Variants in PRPF18 observed in about 807,000 individuals in gnomAD.
PRPF18 encodes the protein pre-mRNA processing factor 18, also known as pre-mRNA-splicing factor 18.
A neutral mutation model predicts 46.5 loss-of-function variants in PRPF18; 38 were observed. The observed-to-expected ratio is 0.82, with a 90% CI of 0.63 to 1.07. The LOEUF is 1.07. Among genes scored for constraint, PRPF18 ranks in the 50% least tolerant of loss-of-function variants. PRPF18 has a pLI of 0.00. For synonymous variants in PRPF18, 152 were observed against 146.7 expected (o/e 1.04, Z -0.26); for missense variants, 263 against 410.0 (o/e 0.64, Z 3.10).
chr10:13,592,313 T>G (rs2079976442), intron 1 of PRPF18: 2 of 387,850 alleles, frequency 5.2e-6, no homozygotes, highest in African/African-American at 4.3e-5. Context: ...CTCAACTTTT[T>G]CACCCACCAT....
chr10:13,587,250 G>A (rs2079887283), intron 1 of PRPF18, 98 bp downstream of exon 1: 2 of 1,327,154 alleles, frequency 1.5e-6, no homozygotes, highest in African/African-American at 1.4e-5. Context: ...GATTCGGGGC[G>A]GGGACGGGGC....
At position 13,611,637 on chromosome 10, in the gene PRPF18, A is replaced by G; in HGVS notation, c.533A>G (p.Lys178Arg). ...ELEALGESLG[K>R]GDDHKDMDII... The stretch of plus-strand genomic sequence containing the variant: ...CAGGCGCTTGGAGAGTCCTTAGGGA[A>G]AGGCGATGATCATAAAGACATGGAC... The change falls in exon 6 of 10, where the codon AAA becomes AGA. Residue 178 changes from lysine (K) to arginine (R), a missense_variant. Coordinates refer to ENST00000378572, the MANE Select transcript of PRPF18 (RefSeq NM_003675.4). 6.2e-7 allele frequency: 1 copy of G among 1,614,002 alleles called. No homozygotes were observed.
chr10:13,604,350 T>G (rs2080155629), intron 3 of PRPF18, among the ~76,000 whole-genome samples: 1 of 152,202 alleles, frequency 6.6e-6, no homozygotes, highest in African/African-American at 2.4e-5. Flanking sequence ...TTCTTCCTTT[T>G]TAAAATGACA....
chr10:13,598,710 C>T (rs754307702), intron 2 of PRPF18, among the ~76,000 whole-genome samples: 69 of 151,946 alleles, frequency 4.5e-4, no homozygotes, highest in Non-Finnish European at 7.8e-4. Context: ...TGTTAATAAC[C>T]ATTGAGTAGA....
rs535720673 is a variant in PRPF18 at position 13,611,758 on chromosome 10, G to T, written c.579+75G>T. The T allele has an allele frequency of 1.3e-4, 173 of 1,348,088 alleles. 1 individual carries two copies. In the South Asian group the frequency reaches 2.0e-3, roughly 16 times the overall value. The allele number at this position is 1,348,088 out of a possible 1,614,324, so 83.5% of individuals were successfully genotyped here. Reference sequence around the variant, plus strand: ...ATTCTTATATTTTTGGATTACCAAGGGTTAAAGGCTGGAACGGGAAAGCCT... The same window carrying T: ...ATTCTTATATTTTTGGATTACCAAGTGTTAAAGGCTGGAACGGGAAAGCCT... On this transcript the variant is annotated intron_variant, in intron 6 of 9. Coordinates refer to ENST00000378572, the MANE Select transcript of PRPF18 (RefSeq NM_003675.4).
intron 9 of PRPF18, among the ~76,000 whole-genome samples, chr10:13,620,417 C>T (rs7091163): frequency 0.017 from 2,641 of 152,194 alleles, 62 homozygotes; most frequent in South Asian, 0.05. Flanking sequence ...TTTTAAATTG[C>T]GGTATAAAAT....
At chr10:13,587,825 TTTG>T (rs1172112601) in intron 1 of PRPF18, among the ~76,000 whole-genome samples, 2 of 152,182 alleles carry the variant, frequency 1.3e-5, no homozygotes, top group Admixed American at 6.5e-5. Flanking sequence ...ATTCCTGTGT[TTTG>T]TTACTTTTTT....
chr10:13,616,619 G>C, intron 9 of PRPF18, 66 bp downstream of exon 9: 1 of 1,572,998 alleles, frequency 6.4e-7, no homozygotes, highest in Non-Finnish European at 8.7e-7. Context: ...AAAACTCTAA[G>C]TCTGGAAAGC....
chr10:13,619,369 A>G (rs1375045077), intron 9 of PRPF18, among the ~76,000 whole-genome samples: 1 of 152,274 alleles, frequency 6.6e-6, no homozygotes, highest in East Asian at 1.9e-4. Context: ...TAGACTCACA[A>G]GAAGTTGCAA....
chr10:13,608,050 A>C (rs2133580397), intron 4 of PRPF18, among the ~76,000 whole-genome samples: 1 of 152,362 alleles, frequency 6.6e-6, no homozygotes, highest in South Asian at 2.1e-4. Flanking sequence ...TATGTAACAG[A>C]CTACTCCAAA....
chr10:13,605,853 ATTATTGC>A (rs1163806918), intron 4 of PRPF18, 109 bp downstream of exon 4: 1 of 1,355,388 alleles, frequency 7.4e-7, no homozygotes, highest in African/African-American at 1.5e-5. Context: ...AAGTGAGCAG[ATTATTGC>A]TGCTGAATGG....
chr10:13,639,694 C>T, the PRPF18 span: 1 of 152,140 alleles, frequency 6.6e-6, no homozygotes, highest in African/African-American at 2.4e-5. Context: ...GGATAAAGGT[C>T]CAATTTCTGG....
At chr10:13,651,500 C>T in the PRPF18 span, 1 of 186,666 alleles carries the variant, frequency 5.4e-6, no homozygotes, top group African/African-American at 2.4e-5. Context: ...TGAGACTATC[C>T]TGGCCAACAT....
chr10:13,640,362 A>C, the PRPF18 span: 1 of 152,158 alleles, frequency 6.6e-6, no homozygotes, highest in Non-Finnish European at 1.5e-5. Context: ...TATAATAGGC[A>C]ACCAGGTTTT....
chr10:13,626,631 C>T (rs979849929), intron 9 of PRPF18, among the ~76,000 whole-genome samples: 1 of 151,914 alleles, frequency 6.6e-6, no homozygotes, highest in African/African-American at 2.4e-5. Flanking sequence ...GGAGATATCA[C>T]TAATATCTGG....
At chr10:13,590,053 C>G (rs1187331790) in intron 1 of PRPF18, among the ~76,000 whole-genome samples, 1 of 151,576 alleles carries the variant, frequency 6.6e-6, no homozygotes, top group Non-Finnish European at 1.5e-5. Context: ...CCTCAAGGTT[C>G]ACAACATGAA....
At position 13,609,984 on chromosome 10, in the gene PRPF18, AAACAGGTGTTCTTCCTTTCAT is replaced by A. The variant is rs1483698242; in HGVS notation, c.364-36_364-16del. 39 of 1,486,884 alleles carry A rather than the reference AAACAGGTGTTCTTCCTTTCAT, an allele frequency of 2.6e-5. No individual in the cohort carries two copies. The East Asian group carries it at 5.5e-4, about 21-fold the overall frequency. The allele number at this position is 1,486,884 out of a possible 1,614,324, so 92.1% of individuals were successfully genotyped here. A position where few individuals can be genotyped will look rare whatever the true frequency, so the allele number is the denominator to read the frequency against. On this transcript the variant is annotated intron_variant, in intron 4 of 9. Transcript: ENST00000378572. ...TATTAATGAAAAATCAAAGGTGAAA[AAACAGGTGTTCTTCCTTTCAT>A]AACAGGTGTTCTTCCTTTTTTTGCT...
At chr10:13,592,128 T>C (rs1295719118) in intron 1 of PRPF18, 1 of 587,688 alleles carries the variant, frequency 1.7e-6, no homozygotes, top group Non-Finnish European at 3.1e-6. Flanking sequence ...ATACACAGCT[T>C]TTCTGGAATA....
At chr10:13,590,306 A>G (rs1329715024) in intron 1 of PRPF18, among the ~76,000 whole-genome samples, 1 of 151,934 alleles carries the variant, frequency 6.6e-6, no homozygotes, top group East Asian at 1.9e-4. Flanking sequence ...TGAAATGGGA[A>G]TTAAAATACT....
Sources: gnomAD v4.1 joint callset for allele counts (sites outside exome capture counted in the v4.1 genomes callset) on GRCh38, gnomAD v4.1.1 for gene constraint, MANE v1.5 for transcripts, NCBI Gene and HGNC (gene_info 2026-07-23, HGNC 2026-07-21) for gene names.